ST3GAL2: variants seen among roughly 807,000 people sequenced by gnomAD.
ST3GAL2 encodes CMP-N-acetylneuraminate-beta-galactosamide-alpha-2,3-sialyltransferase 2.
Under a neutral mutation model 37.5 loss-of-function variants are expected in ST3GAL2, and 16 were observed. The ratio of observed to expected loss-of-function variants is 0.43; its 90% CI spans 0.29 to 0.65. The LOEUF (loss-of-function observed/expected upper bound fraction) is 0.65, where lower values mean the gene tolerates loss of function less well. ST3GAL2 is among the 30% of genes least tolerant of loss of function. ST3GAL2 has a pLI of 0.17. For missense variants in ST3GAL2, 383 were observed against 487.8 expected (o/e 0.79, Z 2.02); for synonymous variants, 238 against 202.9 (o/e 1.17, Z -1.47).
chr16:70,426,514 T>TC (rs1289865575), intron 1 of ST3GAL2, among the ~76,000 whole-genome samples: 1 of 141,284 alleles, frequency 7.1e-6, no homozygotes, highest in East Asian at 2.0e-4. Context: ...GAAGTGTTTT[T>TC]CTTTTTTTTT....
At chr16:70,424,948 G>A (rs528786004) in intron 1 of ST3GAL2, among the ~76,000 whole-genome samples, 1 of 152,296 alleles carries the variant, frequency 6.6e-6, no homozygotes, top group African/African-American at 2.4e-5. Context: ...AGGCACTGTG[G>A]CTGGGTGCAT....
In ST3GAL2 at chr16:70,435,794, C is replaced by CAAAATAAAATAAAAT. The variant is rs375297989; in HGVS notation, c.-1004+3140_-1004+3154dup. 3.8e-3 allele frequency among the ~76,000 whole-genome samples: 535 copies of CAAAATAAAATAAAAT among 141,330 alleles called. 2 individuals are homozygous for CAAAATAAAATAAAAT. The highest frequency in any genetic ancestry group is 0.02 in the East Asian group (93 of 4,752). The allele number at this position is 141,330 out of a possible 152,430, so 92.7% of individuals were successfully genotyped here. ...GGGCAACAAGAGGGAAACCTCGTCT[C>CAAAATAAAATAAAAT]AAAATAAAATAAAATAAAATAAAAT... On this transcript the variant is annotated intron_variant, in intron 1 of 6. Transcript: ENST00000342907.
rs369947619 is a variant in ST3GAL2, at chr16:70,414,873, ATTAT to A, written c.-1003-15344_-1003-15341del. Reference sequence around the variant, plus strand: ...TTATTATTTATTTATTTATTTATTTATTATTTATTTATTTTTTTGAGACGGAGTC... The same window carrying A: ...TTATTATTTATTTATTTATTTATTTATTATTTATTTTTTTGAGACGGAGTC... On this transcript the variant is annotated intron_variant, in intron 1 of 6. Transcript: ENST00000342907. Among the ~76,000 whole-genome samples the A allele has an allele frequency of 1.1e-3, 161 of 148,360 alleles. 2 individuals are homozygous for A. In the East Asian group the frequency reaches 0.024, roughly 22 times the overall value.
At chr16:70,395,614 C>G (rs1387990944) in intron 2 of ST3GAL2, among the ~76,000 whole-genome samples, 2 of 152,224 alleles carry the variant, frequency 1.3e-5, no homozygotes, top group Non-Finnish European at 2.9e-5. Flanking sequence ...GGGTGACAGT[C>G]CAGCCACTCC....
intron 3 of ST3GAL2, among the ~76,000 whole-genome samples, chr16:70,390,937 C>A (rs1031527869): frequency 5.9e-5 from 9 of 152,186 alleles, no homozygotes; most frequent in Non-Finnish European, 1.2e-4. Flanking sequence ...TCATGACTAC[C>A]AAAGCAGGGT....
chr16:70,403,589 G>A (rs911352956), intron 1 of ST3GAL2, among the ~76,000 whole-genome samples: 3 of 152,176 alleles, frequency 2.0e-5, no homozygotes, highest in East Asian at 1.9e-4. Flanking sequence ...CGAGGCGGGC[G>A]GATCATGAGG....
At position 70,381,914 on chromosome 16, in the gene ST3GAL2, C is replaced by T. The variant is rs1182936676; in HGVS notation, c.880-52G>A. On this transcript the variant is annotated intron_variant, in intron 6 of 6. Transcript: ENST00000342907. ...CCCCAGGCGGGGACCTGGAGGATGG[C>T]GCGGGGCGGGCTCGGGATGACAGGG... 1.9e-6 allele frequency: 3 copies of T among 1,601,816 alleles called. No homozygotes were observed. In the African/African-American group the frequency reaches 4.0e-5, roughly 21 times the overall value.
At chr16:70,394,891 C>G (rs2047504810) in intron 3 of ST3GAL2, 91 bp downstream of exon 3, 1 of 1,438,118 alleles carries the variant, frequency 7.0e-7, no homozygotes, top group Non-Finnish European at 9.4e-7. Flanking sequence ...CGGTAGCTGG[C>G]AGCATGCACC....
At chr16:70,420,919 A>C (rs1156870158) in intron 1 of ST3GAL2, among the ~76,000 whole-genome samples, 1 of 152,240 alleles carries the variant, frequency 6.6e-6, no homozygotes, top group African/African-American at 2.4e-5. Context: ...CCCCTTGCTC[A>C]GCTGCTGTGT....
chr16:70,418,718 T>G (rs2047692533), intron 1 of ST3GAL2, among the ~76,000 whole-genome samples: 1 of 152,148 alleles, frequency 6.6e-6, no homozygotes. Flanking sequence ...TCTAGCCTGG[T>G]TGTGGAGGAC....
intron 2 of ST3GAL2, among the ~76,000 whole-genome samples, chr16:70,396,093 T>C (rs2047514369): frequency 6.6e-6 from 1 of 151,592 alleles, no homozygotes. Flanking sequence ...TGCCTCAGCC[T>C]CCCGAGTAGC....
At chr16:70,386,206 G>T (rs1357008159) in intron 4 of ST3GAL2, among the ~76,000 whole-genome samples, 2 of 143,220 alleles carry the variant, frequency 1.4e-5, no homozygotes, top group Non-Finnish European at 3.0e-5. Flanking sequence ...TTTTCTTCCT[G>T]AGACGGAGTC....
rs867825392 is a variant in ST3GAL2 at position 70,386,090 on chromosome 16, G to A, written c.713+2277C>T. 2.2e-4 allele frequency among the ~76,000 whole-genome samples: 33 copies of A among 151,910 alleles called. 1 individual carries two copies. Among genetic ancestry groups the A allele is most frequent in the South Asian group, 8.3e-4 (4 of 4,814 alleles). On this transcript the variant is annotated intron_variant, in intron 4 of 6. Transcript: ENST00000342907. The stretch of plus-strand genomic sequence containing the variant: ...GGCTTGAATGCAGTGGCACAATCTC[G>A]TCTCACTGTAACCTCTGCCTCCCAG...
At position 70,381,490 on chromosome 16, in the gene ST3GAL2, G is replaced by T; in HGVS notation, c.*199C>A. 1.6e-6 allele frequency: 1 copy of T among 634,218 alleles called. No individual in the cohort carries two copies. Among genetic ancestry groups the T allele is most frequent in the South Asian group, 2.0e-5 (1 of 49,778 alleles). 39.3% of individuals were successfully genotyped at this position (634,218 alleles called of 1,614,324 possible). A position where few individuals can be genotyped will look rare whatever the true frequency, so the allele number is the denominator to read the frequency against. The stretch of plus-strand genomic sequence containing the variant: ...AAGTTTTCCTTGAGTCACATGATTG[G>T]CTGGGAGAAACAGAAGCTCCGCCCG... On this transcript the variant is annotated 3_prime_UTR_variant, in exon 7 of 7. Coordinates refer to ENST00000342907, the MANE Select transcript of ST3GAL2 (RefSeq NM_006927.4).
intron 1 of ST3GAL2, among the ~76,000 whole-genome samples, chr16:70,409,527 G>A (rs554445669): frequency 1.3e-4 from 20 of 152,008 alleles, no homozygotes; most frequent in African/African-American, 4.8e-4. Flanking sequence ...ATTTTTAGTC[G>A]AGATGGGGTT....
chr16:70,391,985 G>C, intron 3 of ST3GAL2, among the ~76,000 whole-genome samples: 1 of 152,172 alleles, frequency 6.6e-6, no homozygotes, highest in South Asian at 2.1e-4. Flanking sequence ...CAGAGCACAG[G>C]GCTGCAGCCA....
At chr16:70,407,441 T>C (rs1476294398) in intron 1 of ST3GAL2, among the ~76,000 whole-genome samples, 1 of 152,174 alleles carries the variant, frequency 6.6e-6, no homozygotes. Context: ...GTGCCAATAC[T>C]ACAGTCTTCT....
chr16:70,420,024 C>CTTTT (rs58254114), intron 1 of ST3GAL2, among the ~76,000 whole-genome samples: 4 of 131,572 alleles, frequency 3.0e-5, no homozygotes, highest in Non-Finnish European at 3.3e-5. Flanking sequence ...CCCCCCTTCC[C>CTTTT]TTTTTTTTTT....
chr16:70,399,062 G>C lies in ST3GAL2; in HGVS notation c.-532C>G, dbSNP rs1597563039. 2 of 401,212 alleles carry C rather than the reference G, an allele frequency of 5.0e-6. No individual in the cohort carries two copies. The highest frequency in any genetic ancestry group is 4.3e-5 in the Admixed American group (1 of 23,308). 24.9% of individuals were successfully genotyped at this position (401,212 alleles called of 1,614,324 possible). On this transcript the variant is annotated 5_prime_UTR_variant, in exon 2 of 7. Transcript: ENST00000342907. ...GGGACTTGGGTTCCATGCAAGTGTT[G>C]TCCCACCTCCTGGCCCAAAACCTCT...
Sources: gnomAD v4.1 joint callset for allele counts (sites outside exome capture counted in the v4.1 genomes callset) on GRCh38, gnomAD v4.1.1 for gene constraint, MANE v1.5 for transcripts, NCBI Gene and HGNC (gene_info 2026-07-23, HGNC 2026-07-21) for gene names.